The following GALNT2 variants were observed in gnomAD, a reference collection of about 807,000 sequenced individuals.
GALNT2 encodes the protein polypeptide N-acetylgalactosaminyltransferase 2.
GALNT2 carries 31 observed loss-of-function variants against 81.4 expected under a neutral mutation model. The observed-to-expected ratio is 0.38, with a 90% CI of 0.29 to 0.51. The LOEUF is 0.51. GALNT2 is among the 20% of genes least tolerant of loss of function. GALNT2 has a pLI of 0.87. For synonymous variants in GALNT2, 303 were observed against 287.4 expected (o/e 1.05, Z -0.55); for missense variants, 629 against 765.7 (o/e 0.82, Z 2.11).
At chr1:230,086,413 A>G (rs577318484) in intron 1 of GALNT2, among the ~76,000 whole-genome samples, 9 of 152,022 alleles carry the variant, frequency 5.9e-5, no homozygotes, top group Non-Finnish European at 1.3e-4. Flanking sequence ...AGTGAGGAAA[A>G]ATGCCTAAGT....
chr1:230,231,493 A>G (rs943535893), intron 3 of GALNT2, among the ~76,000 whole-genome samples: 1 of 152,220 alleles, frequency 6.6e-6, no homozygotes, highest in African/African-American at 2.4e-5. Flanking sequence ...GTTATTGGAC[A>G]GAAGCTGGAG....
intron 11 of GALNT2, among the ~76,000 whole-genome samples, chr1:230,255,625 G>A (rs1218425415): frequency 6.6e-6 from 1 of 152,156 alleles, no homozygotes; most frequent in Non-Finnish European, 1.5e-5. Context: ...CCAGACCAGT[G>A]GTGGCCAGGA....
intron 3 of GALNT2, among the ~76,000 whole-genome samples, chr1:230,215,759 A>C (rs890529675): frequency 6.6e-6 from 1 of 152,244 alleles, no homozygotes; most frequent in Non-Finnish European, 1.5e-5. Flanking sequence ...GTAAAACAAT[A>C]ATCATGCTTG....
chr1:230,073,089 A>G (rs1659425751), intron 1 of GALNT2, among the ~76,000 whole-genome samples: 1 of 152,192 alleles, frequency 6.6e-6, no homozygotes, highest in Non-Finnish European at 1.5e-5. Context: ...TTCCATATGC[A>G]AACCCCCCTG....
chr1:230,084,239 G>A (rs1188434035), intron 1 of GALNT2, among the ~76,000 whole-genome samples: 7 of 152,226 alleles, frequency 4.6e-5, no homozygotes, highest in Admixed American at 4.6e-4. Context: ...AGGAGGGCAG[G>A]CTGGGGGACG....
intron 10 of GALNT2, among the ~76,000 whole-genome samples, chr1:230,251,737 A>G (rs1665550839): frequency 1.3e-5 from 2 of 152,210 alleles, no homozygotes; most frequent in South Asian, 4.1e-4. Flanking sequence ...AGGGTCGCCC[A>G]GTAGGGCAGC....
chr1:230,226,543 C>T (rs1469921130), intron 3 of GALNT2, among the ~76,000 whole-genome samples: 2 of 152,208 alleles, frequency 1.3e-5, no homozygotes, highest in African/African-American at 4.8e-5. Flanking sequence ...CATGGAGACT[C>T]GCAGACTTTC....
At position 230,193,037 on chromosome 1, in the gene GALNT2, C is replaced by G. The variant is rs1006113579; in HGVS notation, c.221-10100C>G. On this transcript the variant is annotated intron_variant, in intron 2 of 15. Coordinates refer to ENST00000366672, the MANE Select transcript of GALNT2 (RefSeq NM_004481.5). This position sits in a 1 kb window ranked among gnomAD's most constrained non-coding sequence, Gnocchi z 4.3. Reference sequence around the variant, plus strand: ...ATATTAGGATTTTTTTTCTTTTAAGCACAGTAAAATTACATTCAATTTGAG... The same window carrying G: ...ATATTAGGATTTTTTTTCTTTTAAGGACAGTAAAATTACATTCAATTTGAG... Among the ~76,000 whole-genome samples, 4 of 152,126 alleles carry G rather than the reference C, an allele frequency of 2.6e-5. No homozygotes were observed. The highest frequency in any genetic ancestry group is 2.0e-4 in the Admixed American group (3 of 15,278).
intron 1 of GALNT2, chr1:230,058,117 A>G: frequency 2.2e-6 from 1 of 456,118 alleles, no homozygotes; most frequent in Non-Finnish European, 4.4e-6. Flanking sequence ...GTATGTCCTT[A>G]AGTCTGGGGC....
At chr1:230,107,988 G>A (rs149307117) in intron 1 of GALNT2, among the ~76,000 whole-genome samples, 2 of 152,256 alleles carry the variant, frequency 1.3e-5, no homozygotes, top group African/African-American at 4.8e-5. Flanking sequence ...TGTTACCTGC[G>A]TGCATCATAA....
chr1:230,092,419 C>T (rs913134154), intron 1 of GALNT2, among the ~76,000 whole-genome samples: 1 of 151,590 alleles, frequency 6.6e-6, no homozygotes, highest in African/African-American at 2.4e-5. Flanking sequence ...CATGACCTCA[C>T]TGCAACCTCT....
At chr1:230,132,262 T>G (rs1661392924) in intron 1 of GALNT2, among the ~76,000 whole-genome samples, 1 of 152,334 alleles carries the variant, frequency 6.6e-6, no homozygotes, top group East Asian at 1.9e-4. Context: ...TGGTTTTCAC[T>G]GCCCCGAAAT....
chr1:230,072,015 G>A (rs1274778478), intron 1 of GALNT2, among the ~76,000 whole-genome samples: 2 of 152,148 alleles, frequency 1.3e-5, no homozygotes, highest in Non-Finnish European at 2.9e-5. Context: ...TGGACCTTGG[G>A]GTGGGGGACA....
chr1:230,101,116 A>G (rs561170535), intron 1 of GALNT2, among the ~76,000 whole-genome samples: 2 of 152,336 alleles, frequency 1.3e-5, no homozygotes, highest in South Asian at 4.1e-4. Flanking sequence ...GTTTTGTGTA[A>G]GTACACTCTG....
At chr1:230,119,664 T>A (rs1660954851) in intron 1 of GALNT2, among the ~76,000 whole-genome samples, 1 of 152,220 alleles carries the variant, frequency 6.6e-6, no homozygotes, top group South Asian at 2.1e-4. Context: ...TTTGTTTACC[T>A]GGTGGTACTG....
At chr1:230,197,071 C>CT (rs1420388142) in intron 2 of GALNT2, among the ~76,000 whole-genome samples, 1 of 152,100 alleles carries the variant, frequency 6.6e-6, no homozygotes, top group Non-Finnish European at 1.5e-5. Flanking sequence ...CTTTCAAGCA[C>CT]TAACACCCCT....
intron 1 of GALNT2, among the ~76,000 whole-genome samples, chr1:230,058,270 G>A (rs1658963722): frequency 1.3e-5 from 2 of 152,194 alleles, no homozygotes; most frequent in Non-Finnish European, 2.9e-5. Context: ...TATGAGTGCT[G>A]GCTGGCGGCA....
intron 14 of GALNT2, 106 bp downstream of exon 14, chr1:230,265,473 G>A: frequency 6.6e-7 from 1 of 1,503,782 alleles, no homozygotes; most frequent in Non-Finnish European, 9.1e-7. Flanking sequence ...TGGGATGGGT[G>A]ATGTCTATGA....
intron 1 of GALNT2, among the ~76,000 whole-genome samples, chr1:230,161,408 A>G (rs570032156): frequency 5.9e-5 from 9 of 152,316 alleles, no homozygotes; most frequent in Admixed American, 2.6e-4. Context: ...CTGGCATCCA[A>G]TTGGCCAAAG....
Sources: allele counts gnomAD v4.1 joint callset (sites outside exome capture counted in the v4.1 genomes callset), GRCh38; gene constraint gnomAD v4.1.1; non-coding constraint Gnocchi (gnomAD v3.1); transcripts MANE v1.5; gene names NCBI Gene and HGNC (gene_info 2026-07-23, HGNC 2026-07-21).